The following RSPO3 variants were observed in gnomAD, a reference collection of about 807,000 sequenced individuals.
RSPO3 encodes R-spondin-3.
Under a neutral mutation model 36.5 loss-of-function variants are expected in RSPO3, and 17 were observed. That is an observed-to-expected ratio of 0.47 (90% CI 0.32 to 0.70). The LOEUF (loss-of-function observed/expected upper bound fraction) is 0.70. Among genes scored for constraint, RSPO3 ranks in the 30% least tolerant of loss-of-function variants. RSPO3 has a pLI of 0.04. For synonymous variants in RSPO3, 108 were observed against 107.0 expected, an observed-to-expected ratio of 1.01 and a Z score of -0.06; for missense variants, 294 against 322.5, an observed-to-expected ratio of 0.91 and a Z score of 0.68.
chr6:127,167,051 A>G (rs1774835026), intron 4 of RSPO3, among the ~76,000 whole-genome samples: 3 of 151,950 alleles, frequency 2.0e-5, no homozygotes, highest in Non-Finnish European at 4.4e-5. Context: ...TTCTTATTCT[A>G]GTATTAACTT....
intron 4 of RSPO3, among the ~76,000 whole-genome samples, chr6:127,162,275 A>G (rs1252087585): frequency 6.6e-6 from 1 of 152,166 alleles, no homozygotes; most frequent in Non-Finnish European, 1.5e-5. Context: ...TTACTTTGCA[A>G]GGTGGCATGC....
intron 4 of RSPO3, among the ~76,000 whole-genome samples, chr6:127,191,352 G>A (rs559755871): frequency 6.6e-6 from 1 of 152,058 alleles, no homozygotes; most frequent in Non-Finnish European, 1.5e-5. Context: ...TAAACTGGGG[G>A]GGAGGGGTGT....
intron 1 of RSPO3, among the ~76,000 whole-genome samples, chr6:127,120,463 G>A (rs143849869): frequency 6.8e-4 from 103 of 152,346 alleles, no homozygotes; most frequent in African/African-American, 2.4e-3. Flanking sequence ...TCCGCGGCGT[G>A]CAGCCCAGGC....
chr6:127,124,030 T>G (rs1773893604), intron 1 of RSPO3, among the ~76,000 whole-genome samples: 1 of 152,088 alleles, frequency 6.6e-6, no homozygotes, highest in Non-Finnish European at 1.5e-5. Context: ...GTTCAATGGT[T>G]AATCTTTTTT....
At chr6:127,134,223 T>C (rs545700600) in intron 1 of RSPO3, among the ~76,000 whole-genome samples, 1 of 152,268 alleles carries the variant, frequency 6.6e-6, no homozygotes, top group African/African-American at 2.4e-5. Context: ...ATAGGACTCA[T>C]TACTTAGCAT....
intron 1 of RSPO3, among the ~76,000 whole-genome samples, chr6:127,127,653 T>C (rs2114542064): frequency 6.6e-6 from 1 of 152,154 alleles, no homozygotes; most frequent in Non-Finnish European, 1.5e-5. Context: ...CTCAAGGAAT[T>C]GAGGTGGACC....
At chr6:127,144,254 A>G (rs1774335439) in intron 1 of RSPO3, among the ~76,000 whole-genome samples, 1 of 152,172 alleles carries the variant, frequency 6.6e-6, no homozygotes, top group South Asian at 2.1e-4. Flanking sequence ...CCCAATTTAA[A>G]GTTTCCATGA....
At chr6:127,164,418 ATTTT>A (rs573676572) in intron 4 of RSPO3, among the ~76,000 whole-genome samples, 33 of 152,218 alleles carry the variant, frequency 2.2e-4, no homozygotes, top group African/African-American at 7.2e-4. Flanking sequence ...TTTGAAAATA[ATTTT>A]AAGTGAGGAA....
At chr6:127,156,700 G>A (rs1233206053) in intron 4 of RSPO3, among the ~76,000 whole-genome samples, 4 of 152,112 alleles carry the variant, frequency 2.6e-5, no homozygotes, top group African/African-American at 9.7e-5. Flanking sequence ...ACTGAATGGG[G>A]TACTGTCTCT....
At chr6:127,131,488 G>A (rs760028367) in intron 1 of RSPO3, among the ~76,000 whole-genome samples, 1 of 151,996 alleles carries the variant, frequency 6.6e-6, no homozygotes, top group Non-Finnish European at 1.5e-5. Flanking sequence ...AAGTGCTCTA[G>A]GTCATCAGAT....
At chr6:127,123,424 T>C (rs554366163) in intron 1 of RSPO3, among the ~76,000 whole-genome samples, 26 of 152,282 alleles carry the variant, frequency 1.7e-4, no homozygotes, top group South Asian at 6.2e-4. Flanking sequence ...GTGTATTCTT[T>C]GATACGTCGT....
At chr6:127,141,977 T>A (rs1774281190) in intron 1 of RSPO3, among the ~76,000 whole-genome samples, 1 of 152,116 alleles carries the variant, frequency 6.6e-6, no homozygotes, top group African/African-American at 2.4e-5. Flanking sequence ...TGAATTTTAA[T>A]TTACTTAATG....
At chr6:127,192,701 G>T (rs1376951882) in intron 4 of RSPO3, 1 of 985,076 alleles carries the variant, frequency 1.0e-6, no homozygotes, top group East Asian at 1.1e-4. Flanking sequence ...CCAAAACCCA[G>T]TTCAGGCAGG....
chr6:127,166,845 T>A (rs73577819), intron 4 of RSPO3, among the ~76,000 whole-genome samples: 93 of 152,084 alleles, frequency 6.1e-4, no homozygotes, highest in African/African-American at 2.1e-3. Flanking sequence ...GATTGACAAA[T>A]GGTATTCTAT....
In RSPO3 at chr6:127,196,873, A is replaced by G. The variant is rs1001491223; in HGVS notation, c.*866A>G. 1.3e-5 allele frequency: 2 copies of G among 152,852 alleles called. No homozygotes were observed. The highest frequency in any genetic ancestry group is 2.9e-5 in the Non-Finnish European group (2 of 68,196). 9.5% of individuals were successfully genotyped at this position (152,852 alleles called of 1,614,324 possible). ...AGAAAAAAAATAGAGCAAGGAGAAT[A>G]TAACATGTTTGCAAAGTCATGTGTT... On this transcript the variant is annotated 3_prime_UTR_variant, in exon 5 of 5. Coordinates refer to ENST00000356698, the MANE Select transcript of RSPO3 (RefSeq NM_032784.5).
At chr6:127,185,138 A>C (rs1190093084) in intron 4 of RSPO3, among the ~76,000 whole-genome samples, 1 of 151,990 alleles carries the variant, frequency 6.6e-6, no homozygotes, top group Non-Finnish European at 1.5e-5. Flanking sequence ...AAGATGATTA[A>C]ATCAGTTGTA....
chr6:127,174,911 C>T lies in RSPO3; in HGVS notation c.634+19473C>T, dbSNP rs142859857. 3.4e-4 allele frequency among the ~76,000 whole-genome samples: 52 copies of T among 151,822 alleles called. 2 individuals are homozygous for T. The East Asian group carries it at 9.8e-3, about 29-fold the overall frequency. ...TTTAGGTTGATGAAGAAGCTTTCTA[C>T]CCTTGGGCAGCTTTATCTTAAACTT... On this transcript the variant is annotated intron_variant, in intron 4 of 4. Transcript: ENST00000356698.
chr6:127,121,448 T>A (rs1160702665), intron 1 of RSPO3, among the ~76,000 whole-genome samples: 1 of 152,210 alleles, frequency 6.6e-6, no homozygotes, highest in Non-Finnish European at 1.5e-5. Flanking sequence ...ATAGTGGAAC[T>A]GGGTTGCAAT....
intron 4 of RSPO3, among the ~76,000 whole-genome samples, chr6:127,156,690 A>T (rs997161504): frequency 9.2e-5 from 14 of 152,128 alleles, no homozygotes; most frequent in African/African-American, 3.4e-4. Flanking sequence ...AGGATTCACA[A>T]CTGAATGGGG....
Sources: allele counts gnomAD v4.1 joint callset (sites outside exome capture counted in the v4.1 genomes callset), GRCh38; gene constraint gnomAD v4.1.1; transcripts MANE v1.5; gene names NCBI Gene and HGNC (gene_info 2026-07-23, HGNC 2026-07-21).